The following EGF variants were observed in gnomAD, a reference collection of about 807,000 sequenced individuals.
EGF encodes the protein epidermal growth factor.
Under a neutral mutation model 143.8 loss-of-function variants are expected in EGF, and 95 were observed. That is an observed-to-expected ratio of 0.66 (90% confidence interval 0.56 to 0.78). The LOEUF (loss-of-function observed/expected upper bound fraction) is 0.78, where lower values mean the gene tolerates loss of function less well. Ranked by LOEUF, EGF falls within the 30% of genes least tolerant of loss-of-function variation. The probability of loss-of-function intolerance (pLI) is 0.00; values close to 1 mark genes in which losing one functional copy is unlikely to be tolerated. For synonymous variants in EGF, 510 were observed against 510.5 expected, an observed-to-expected ratio of 1.00 and a Z score of 0.01; for missense variants, 1,320 against 1,470.9, an observed-to-expected ratio of 0.90 and a Z score of 1.68.
At chr4:109,932,775 C>T (rs1267976430) in intron 1 of EGF, among the ~76,000 whole-genome samples, 3 of 152,088 alleles carry the variant, frequency 2.0e-5, no homozygotes, top group African/African-American at 7.2e-5. Flanking sequence ...ATTTATTCAG[C>T]ATAGACTATA....
intron 1 of EGF, among the ~76,000 whole-genome samples, chr4:109,938,979 G>A (rs1412461570): frequency 6.6e-6 from 1 of 152,194 alleles, no homozygotes; most frequent in Non-Finnish European, 1.5e-5. Context: ...CAGGCTCAGG[G>A]ACCCACTTGA....
chr4:109,932,783 A>G (rs1740021353), intron 1 of EGF, among the ~76,000 whole-genome samples: 1 of 152,206 alleles, frequency 6.6e-6, no homozygotes, highest in South Asian at 2.1e-4. Flanking sequence ...AGCATAGACT[A>G]TAGAGCATGC....
chr4:109,913,369 G>C lies in EGF; in HGVS notation c.34G>C (p.Val12Leu). 6.2e-7 allele frequency: 1 copy of C among 1,613,964 alleles called. No homozygotes were observed. Among genetic ancestry groups the C allele is most frequent in the Non-Finnish European group, 8.5e-7 (1 of 1,179,900 alleles). ...LLTLIILLPVVSKFSFVSLSA... is the reference protein window; with the variant it reads ...LLTLIILLPVLSKFSFVSLSA... ...CACTCTTATCATTCTGTTGCCAGTA[G>C]TTTCAAAATTTAGTTTTGTTAGTCT... Residue 12 changes from valine to leucine, a missense_variant, in exon 1 of 24, where the codon GTT becomes CTT. By Grantham distance (32) the Val-to-Leu change is conservative. This residue lies in a region of EGF where 79 missense variants were observed against 71.2 expected (regional missense o/e 1.11). Transcript: ENST00000265171.
At chr4:109,950,916 T>G (rs1743783366) in intron 5 of EGF, among the ~76,000 whole-genome samples, 1 of 152,050 alleles carries the variant, frequency 6.6e-6, no homozygotes, top group Non-Finnish European at 1.5e-5. Flanking sequence ...TTAGCTGGAG[T>G]TGTCTGTCTT....
At chr4:109,968,711 C>CTATCTATCTATCTAT (rs10657057) in intron 10 of EGF, 329 of 297,316 alleles carry the variant, frequency 1.1e-3, no homozygotes, top group Non-Finnish European at 1.6e-3. Flanking sequence ...TATCTATCTA[C>CTATCTATCTATCTAT]CTACCTACCT....
chr4:109,944,352 T>C (rs368292337), intron 4 of EGF, among the ~76,000 whole-genome samples: 1 of 152,196 alleles, frequency 6.6e-6, no homozygotes, highest in Non-Finnish European at 1.5e-5. Context: ...GGCAGGAGAA[T>C]GGCGAGAACC....
chr4:109,936,822 T>G (rs1740897645), intron 1 of EGF, among the ~76,000 whole-genome samples: 1 of 152,252 alleles, frequency 6.6e-6, no homozygotes. Context: ...AGGAGAAGGT[T>G]GCTCAGTTTC....
In EGF at chr4:110,011,404, A is replaced by T. The variant is rs767759847; in HGVS notation, c.3573A>T (p.Leu1191Phe). The T allele has an allele frequency of 5.6e-6, 9 of 1,614,202 alleles. No homozygotes were observed. The South Asian group carries it at 9.9e-5, about 18-fold the overall frequency. The change falls in exon 24 of 24, where the codon TTA (leucine) becomes TTT (phenylalanine). Residue 1191 changes from leucine (L) to phenylalanine (F), a missense_variant. Around this residue, in one of 5 missense-constraint regions of EGF, gnomAD observed 1,186 missense variants for 1,313.7 expected, o/e 0.90. Transcript: ENST00000265171. ...KPHSLLSANP[L>F]WQQRALDPPH... is the part of the protein sequence containing the mutation. ...ATTCTCTCCTATCAGCTAACCCATT[A>T]TGGCAACAAAGGGCCCTGGACCCAC...
At chr4:109,919,335 C>A (rs1451889629) in intron 1 of EGF, among the ~76,000 whole-genome samples, 1 of 135,442 alleles carries the variant, frequency 7.4e-6, no homozygotes, top group Non-Finnish European at 1.6e-5. Flanking sequence ...CTCTCTCTCT[C>A]TCTCTCATCT....
At position 109,980,651 on chromosome 4, in the gene EGF, C is replaced by T. The variant is rs1474644032; in HGVS notation, c.2222-175C>T. 4 of 710,002 alleles carry T rather than the reference C, an allele frequency of 5.6e-6. No homozygotes were observed. The South Asian group carries it at 6.6e-5, about 12-fold the overall frequency. 44.0% of individuals were successfully genotyped at this position (710,002 alleles called of 1,614,324 possible). ...TAACATTCTGGGCTTATCTTAGAAT[C>T]AGTGGCTCCTTGGGGGAACTCTTCT... On this transcript the variant is annotated intron_variant, in intron 14 of 23. Transcript: ENST00000265171.
chr4:110,007,460 G>A (rs1239166865), intron 22 of EGF, among the ~76,000 whole-genome samples: 1 of 152,124 alleles, frequency 6.6e-6, no homozygotes, highest in East Asian at 1.9e-4. Flanking sequence ...TTGTAGCATG[G>A]ATCTGTTTTA....
rs1385733087 is a variant in EGF at position 109,943,362 on chromosome 4, A to G, written c.436A>G (p.Lys146Glu). The G allele has an allele frequency of 6.2e-7, 1 of 1,613,642 alleles. No individual in the cohort carries two copies. The highest frequency in any genetic ancestry group is 2.2e-5 in the East Asian group (1 of 44,792). ...AGGAATCATTACAGTAACAGATATG[A>G]AAGGAAATAATTCCCACATTCTTTT... ...QEGIITVTDM[K>E]GNNSHILLSA... Residue 146 changes from lysine to glutamate, a missense_variant, in exon 3 of 24, where the codon AAA becomes GAA. Physicochemically the swap from Lys to Glu is moderately conservative, Grantham distance 56 (BLOSUM62 1). Around this residue, in one of 5 missense-constraint regions of EGF, gnomAD observed 1,186 missense variants for 1,313.7 expected, o/e 0.90. Transcript: ENST00000265171.
Position 109,999,776 on chromosome 4 carries a change from G to A in EGF, c.3103G>A (p.Val1035Met), listed in dbSNP as rs138528000. 34 of 1,614,088 alleles carry A rather than the reference G, an allele frequency of 2.1e-5. No homozygotes were observed. The African/African-American group carries it at 2.8e-4, about 13-fold the overall frequency. Residue 1035 changes from valine (V) to methionine (M), a missense_variant, in exon 21 of 24, where the codon GTG (valine) becomes ATG (methionine). By Grantham distance (21) the Val-to-Met change is conservative (BLOSUM62 1). Coordinates refer to ENST00000265171, the MANE Select transcript of EGF (RefSeq NM_001963.6). ...AGHGQQQKVI[V>M]VAVCVVVLVM... ...CCACGGGCAGCAGCAGAAGGTCATC[G>A]TGGTGGCTGTCTGCGTGGTGGTGCT...
intron 21 of EGF, among the ~76,000 whole-genome samples, chr4:110,002,695 G>A (rs574993508): frequency 6.6e-6 from 1 of 151,996 alleles, no homozygotes; most frequent in South Asian, 2.1e-4. Flanking sequence ...AGGGGTATAT[G>A]TAAAGGTTTG....
intron 23 of EGF, among the ~76,000 whole-genome samples, chr4:110,009,612 A>T (rs1443410672): frequency 6.6e-6 from 1 of 151,940 alleles, no homozygotes; most frequent in African/African-American, 2.4e-5. Context: ...AATTTGACCC[A>T]TTCTCTGTGG....
chr4:109,979,730 G>A (rs550789792), intron 13 of EGF, among the ~76,000 whole-genome samples: 1 of 152,252 alleles, frequency 6.6e-6, no homozygotes, highest in Non-Finnish European at 1.5e-5. Context: ...TGCAACTGCT[G>A]GGTGATAGTG....
intron 2 of EGF, among the ~76,000 whole-genome samples, chr4:109,942,881 A>G (rs549497794): frequency 6.6e-6 from 1 of 152,228 alleles, no homozygotes; most frequent in Non-Finnish European, 1.5e-5. Flanking sequence ...TCAGTTGAAG[A>G]TCTGGAAATT....
chr4:109,963,514 G>T (rs886776171), intron 9 of EGF, among the ~76,000 whole-genome samples: 1 of 152,156 alleles, frequency 6.6e-6, no homozygotes, highest in Admixed American at 6.5e-5. Context: ...ATCCGGCAAA[G>T]ATTTGCCATA....
chr4:109,973,221 C>A lies in EGF; in HGVS notation c.1725-1482C>A, dbSNP rs910663460. On this transcript the variant is annotated intron_variant, in intron 11 of 23. Transcript: ENST00000265171. Reference sequence around the variant, plus strand: ...GCATTTAAATTCATCCAGTTTTCTCCATTTCTTCTGCTACTGTTTTATCTC... The same window carrying A: ...GCATTTAAATTCATCCAGTTTTCTCAATTTCTTCTGCTACTGTTTTATCTC... Among the ~76,000 whole-genome samples, 2 of 152,132 alleles carry A rather than the reference C, an allele frequency of 1.3e-5. 1 individual carries two copies. The highest frequency in any genetic ancestry group is 1.3e-4 in the Admixed American group (2 of 15,270).
Sources: gnomAD v4.1 joint callset for allele counts (sites outside exome capture counted in the v4.1 genomes callset) on GRCh38, gnomAD v4.1.1 for gene constraint, gnomAD v4.1.1 regional missense constraint, MANE v1.5 for transcripts, NCBI Gene and HGNC (gene_info 2026-07-23, HGNC 2026-07-21) for gene names.